Variants in IGF2R observed in about 807,000 individuals in gnomAD.
IGF2R encodes the protein insulin like growth factor 2 receptor.
IGF2R carries 91 observed loss-of-function variants against 270.6 expected under a neutral mutation model. That is an observed-to-expected ratio of 0.34 (90% CI 0.28 to 0.40). IGF2R has a LOEUF of 0.40. IGF2R is among the 10% of genes least tolerant of loss of function. IGF2R has a pLI of 1.00. For synonymous variants in IGF2R, 1,316 were observed against 1,258.9 expected (o/e 1.05, Z -0.96); for missense variants, 2,805 against 3,188.3 (o/e 0.88, Z 2.90).
At chr6:160,027,365 C>G (rs1385012684) in intron 6 of IGF2R, 51 bp downstream of exon 6, 1 of 1,558,136 alleles carries the variant, frequency 6.4e-7, no homozygotes, top group Admixed American at 1.9e-5. Flanking sequence ...CAGCAAGGAC[C>G]TGACTTTCAG....
intron 1 of IGF2R, among the ~76,000 whole-genome samples, chr6:159,986,232 C>CTT (rs34949766): frequency 1.9e-4 from 26 of 138,718 alleles, no homozygotes; most frequent in African/African-American, 6.1e-4. Flanking sequence ...TGCTGCAGAA[C>CTT]TTTTTTTTTT....
chr6:160,066,623 C>T (rs1164970167), intron 29 of IGF2R, among the ~76,000 whole-genome samples: 1 of 152,086 alleles, frequency 6.6e-6, no homozygotes, highest in Non-Finnish European at 1.5e-5. Flanking sequence ...TAGCTTCACT[C>T]CACTTTTTAC....
At position 160,106,524 on chromosome 6, in the gene IGF2R, A is replaced by G. The variant is rs994348616; in HGVS notation, c.*1440A>G. The G allele has an allele frequency of 2.6e-5, 4 of 152,412 alleles. No individual in the cohort carries two copies. Among genetic ancestry groups the G allele is most frequent in the African/African-American group, 2.4e-5 (1 of 41,436 alleles). 9.4% of individuals were successfully genotyped at this position (152,412 alleles called of 1,614,324 possible). A position where few individuals can be genotyped will look rare whatever the true frequency, so the allele number is the denominator to read the frequency against. On this transcript the variant is annotated 3_prime_UTR_variant, in exon 48 of 48. Transcript: ENST00000356956. ...ACTTTACTGTAATATAAAGTATTCA[A>G]CAATTTCAATAAAAGATAAATTATT...
chr6:160,002,428 G>A (rs1324431876), intron 2 of IGF2R, among the ~76,000 whole-genome samples: 2 of 152,100 alleles, frequency 1.3e-5, no homozygotes, highest in South Asian at 2.1e-4. Context: ...AGAAAATTAT[G>A]TTTATTATTC....
intron 7 of IGF2R, 127 bp downstream of exon 7, chr6:160,029,782 T>C: frequency 1.5e-6 from 1 of 648,984 alleles, no homozygotes; most frequent in Non-Finnish European, 2.8e-6. Context: ...ACAGAGGCAC[T>C]GGTGGGTTCT....
intron 33 of IGF2R, 75 bp from the exon 34 acceptor site, chr6:160,073,138 T>A: frequency 6.4e-7 from 1 of 1,570,352 alleles, no homozygotes; most frequent in Non-Finnish European, 8.7e-7. Flanking sequence ...TGGTCCTGAC[T>A]TGCGAAAGTT....
chr6:159,994,649 A>G (rs1427554771), intron 2 of IGF2R, among the ~76,000 whole-genome samples: 3 of 151,928 alleles, frequency 2.0e-5, no homozygotes, highest in Admixed American at 6.6e-5. Flanking sequence ...GTCTCTATTT[A>G]TATTCATTTC....
chr6:160,075,128 G>T (rs897778609), intron 35 of IGF2R, among the ~76,000 whole-genome samples: 1 of 149,428 alleles, frequency 6.7e-6, no homozygotes, highest in African/African-American at 2.4e-5. Flanking sequence ...GCACACACAC[G>T]TGCATGCACA....
chr6:160,016,052 C>G (rs941399292), intron 4 of IGF2R, among the ~76,000 whole-genome samples: 2 of 152,244 alleles, frequency 1.3e-5, no homozygotes, highest in South Asian at 4.1e-4. Context: ...TATAAATTAC[C>G]CAGTCTCAGG....
At position 160,017,288 on chromosome 6, in the gene IGF2R, A is replaced by C. The variant is rs148464899; in HGVS notation, c.513+6503A>C. On this transcript the variant is annotated intron_variant, in intron 4 of 47. Transcript: ENST00000356956. ...AGGAAGAATCTCAGAACTTGAAGACAGGTCTTTTGGATTAATCCAATCAGG... is the reference window on the plus strand; with the variant it reads ...AGGAAGAATCTCAGAACTTGAAGACCGGTCTTTTGGATTAATCCAATCAGG... 2.6e-4 allele frequency among the ~76,000 whole-genome samples: 40 copies of C among 152,350 alleles called. 1 individual carries two copies. The South Asian group carries it at 7.9e-3, about 30-fold the overall frequency.
intron 2 of IGF2R, among the ~76,000 whole-genome samples, chr6:159,999,629 A>G (rs1272596197): frequency 6.6e-6 from 1 of 152,234 alleles, no homozygotes; most frequent in Non-Finnish European, 1.5e-5. Flanking sequence ...AAACAACCAC[A>G]AGAACTGGAG....
intron 1 of IGF2R, among the ~76,000 whole-genome samples, chr6:159,980,240 G>GAAAGAAAGGAAAGAAAGAAAGA (rs1562330732): frequency 9.4e-6 from 1 of 106,768 alleles, no homozygotes; most frequent in African/African-American, 3.3e-5. Context: ...AGAAAGAAAG[G>GAAAGAAAGGAAAGAAAGAAAGA]TACATGGAAG....
In IGF2R at chr6:159,998,269, G is replaced by T. The variant is rs914195658; in HGVS notation, c.289+6946G>T. 2.6e-5 allele frequency among the ~76,000 whole-genome samples: 4 copies of T among 152,170 alleles called. No homozygotes were observed. The highest frequency in any genetic ancestry group is 5.9e-5 in the Non-Finnish European group (4 of 68,026). ...TAATGAAAGTATGTCTTGAGTTTAT[G>T]GTAGTATAGTATGGTATGGTATAGT... On this transcript the variant is annotated intron_variant, in intron 2 of 47. Transcript: ENST00000356956. This position sits in a 1 kb window ranked among gnomAD's most constrained non-coding sequence, Gnocchi z 4.1.
At chr6:160,063,824 G>C (rs771978802) in intron 27 of IGF2R, among the ~76,000 whole-genome samples, 194 bp downstream of exon 27, 6 of 151,530 alleles carry the variant, frequency 4.0e-5, no homozygotes, top group Admixed American at 2.0e-4. Flanking sequence ...GATGTTGGTA[G>C]AGCATGTCTA....
intron 19 of IGF2R, 87 bp from the exon 20 acceptor site, chr6:160,056,328 GATTTTGGCT>G: frequency 1.2e-6 from 1 of 812,022 alleles, no homozygotes; most frequent in Non-Finnish European, 2.2e-6. Flanking sequence ...ACATCTAGCA[GATTTTGGCT>G]ATTTTTATGT....
intron 6 of IGF2R, among the ~76,000 whole-genome samples, chr6:160,028,753 C>T (rs1777619461): frequency 1.3e-5 from 2 of 151,240 alleles, no homozygotes; most frequent in Admixed American, 1.3e-4. Flanking sequence ...TTGGCTGGCA[C>T]TTAGAATTTG....
chr6:160,096,252 G>A, intron 44 of IGF2R, 187 bp from the exon 45 acceptor site: 1 of 522,670 alleles, frequency 1.9e-6, no homozygotes, highest in Admixed American at 3.7e-5. Flanking sequence ...CTGACTAAGG[G>A]CAGGGCTCTA....
At chr6:160,082,813 A>T (rs17200966) in intron 39 of IGF2R, among the ~76,000 whole-genome samples, 20,611 of 152,216 alleles carry the variant, frequency 0.14, 1,601 homozygotes, top group Non-Finnish European at 0.18. Flanking sequence ...CAGATGGCGG[A>T]TGGAGTCTGC....
Position 160,024,584 on chromosome 6 carries a change from G to A in IGF2R, c.526G>A (p.Val176Met), listed in dbSNP as rs745454767. ...FKANKEVPCY[V>M]FDEELRKHDL... ...TCCTCCCTTCCAGGTGCCATGCTATGTGTTTGATGAAGAGTTGAGGAAGCA... is the reference window on the plus strand; with the variant it reads ...TCCTCCCTTCCAGGTGCCATGCTATATGTTTGATGAAGAGTTGAGGAAGCA... The change falls in exon 5 of 48, where the codon GTG (valine) becomes ATG (methionine). Residue 176 changes from valine to methionine, a missense_variant. Val to Met is a conservative substitution (Grantham distance 21). This residue lies in a region of IGF2R where 954 missense variants were observed against 981.1 expected (regional missense o/e 0.97). Coordinates refer to ENST00000356956, the MANE Select transcript of IGF2R (RefSeq NM_000876.4). 8 of 1,614,080 alleles carry A rather than the reference G, an allele frequency of 5.0e-6. No homozygotes were observed. The highest frequency in any genetic ancestry group is 6.8e-6 in the Non-Finnish European group (8 of 1,180,004).
Sources: allele counts gnomAD v4.1 joint callset (sites outside exome capture counted in the v4.1 genomes callset), GRCh38; gene constraint gnomAD v4.1.1; regional missense constraint gnomAD v4.1.1; non-coding constraint Gnocchi (gnomAD v3.1); transcripts MANE v1.5; gene names NCBI Gene and HGNC (gene_info 2026-07-23, HGNC 2026-07-21).